EMG1: variants seen among roughly 807,000 people sequenced by gnomAD.
The protein encoded by EMG1 is EMG1 N1-specific pseudouridine methyltransferase.
In EMG1, 24 loss-of-function variants were observed where a neutral mutation model predicts 26.9. That is an observed-to-expected ratio of 0.89 (90% CI 0.65 to 1.26). EMG1 has a LOEUF of 1.26. EMG1 is among the 50% of genes most tolerant of loss of function. EMG1 has a pLI of 0.00. For synonymous variants in EMG1, 140 were observed against 112.6 expected (o/e 1.24, Z -1.54); for missense variants, 299 against 307.6 (o/e 0.97, Z 0.21).
chr12:6,972,865 G>A (rs1461960837), intron 1 of EMG1, among the ~76,000 whole-genome samples: 6 of 151,906 alleles, frequency 3.9e-5, no homozygotes, highest in Non-Finnish European at 5.9e-5. Flanking sequence ...TTGAGATAGG[G>A]TCTTGCTCTG....
At chr12:6,983,414 C>T, downstream of EMG1, 1 of 1,526,296 alleles carries the variant, frequency 6.6e-7, no homozygotes, top group Non-Finnish European at 9.1e-7. Flanking sequence ...GGTGTCACTG[C>T]TAATTTAGTT....
chr12:6,971,521 C>T (rs1565592907), intron 1 of EMG1, among the ~76,000 whole-genome samples: 1 of 152,184 alleles, frequency 6.6e-6, no homozygotes, highest in South Asian at 2.1e-4. Flanking sequence ...AGTGATCCGC[C>T]CGCCTCGGCC....
rs1946411755 is a variant in EMG1 at position 6,977,046 on chromosome 12, C to T, written c.*1237C>T. 5.9e-6 allele frequency: 5 copies of T among 842,094 alleles called. No individual in the cohort carries two copies. In the Admixed American group the frequency reaches 9.2e-5, roughly 16 times the overall value. The allele number at this position is 842,094 out of a possible 1,614,324, so 52.2% of individuals were successfully genotyped here. ...AGCCAGGCTAATCCTTGGAATTCACCCCAGATTTCTAATACTATTGTTTTT... is the reference window on the plus strand; with the variant it reads ...AGCCAGGCTAATCCTTGGAATTCACTCCAGATTTCTAATACTATTGTTTTT... On this transcript the variant is annotated 3_prime_UTR_variant, in exon 6 of 6. Transcript: ENST00000599672. The surrounding 1 kb of genome is among the most constrained non-coding windows in gnomAD (Gnocchi z 4.5).
downstream of EMG1, among the ~76,000 whole-genome samples, chr12:6,988,814 G>T (rs1555155092): frequency 6.6e-6 from 1 of 152,154 alleles, no homozygotes; most frequent in African/African-American, 2.4e-5. Flanking sequence ...AGATGGGTTT[G>T]TAACAACCCA....
At position 6,979,175 on chromosome 12, in the gene EMG1, C is replaced by T. The variant is rs1298348026; in HGVS notation, c.*3366C>T. The T allele has an allele frequency of 9.5e-6, 4 of 421,848 alleles. No homozygotes were observed. The highest frequency in any genetic ancestry group is 1.3e-5 in the Non-Finnish European group (3 of 234,302). The allele number at this position is 421,848 out of a possible 1,614,324, so 26.1% of individuals were successfully genotyped here. ...AGAAAATAGGATGGAGAATCAGAAG[C>T]TGCTGTGCTCTGAGGGGTCACGTGG... On this transcript the variant is annotated 3_prime_UTR_variant, in exon 6 of 6. Coordinates refer to ENST00000599672, the MANE Select transcript of EMG1 (RefSeq NM_006331.8).
downstream of EMG1, among the ~76,000 whole-genome samples, chr12:6,984,810 C>T (rs1240460585): frequency 6.6e-6 from 1 of 152,098 alleles, no homozygotes; most frequent in African/African-American, 2.4e-5. Flanking sequence ...GCCTTGACCT[C>T]CTGGGCTCAA....
downstream of EMG1, chr12:6,983,638 A>G (rs190778733): frequency 1.5e-4 from 109 of 723,618 alleles, 2 homozygotes; most frequent in East Asian, 2.9e-3. Flanking sequence ...CCAGAGGGAG[A>G]GAGAAAAAAA....
intron 7 of EMG1, among the ~76,000 whole-genome samples, chr12:6,996,793 G>A (rs1946638949): frequency 6.6e-6 from 1 of 152,222 alleles, no homozygotes; most frequent in South Asian, 2.1e-4. Flanking sequence ...AGGTTAAAGA[G>A]AAATCAATCT....
Position 6,977,974 on chromosome 12 carries a change from T to A in EMG1, c.*2165T>A. 1 of 574,208 alleles carries A rather than the reference T, an allele frequency of 1.7e-6. No individual in the cohort carries two copies. The highest frequency in any genetic ancestry group is 3.1e-6 in the Non-Finnish European group (1 of 323,014). 35.6% of individuals were successfully genotyped at this position (574,208 alleles called of 1,614,324 possible). On this transcript the variant is annotated 3_prime_UTR_variant, in exon 6 of 6. Coordinates refer to ENST00000599672, the MANE Select transcript of EMG1 (RefSeq NM_006331.8). This position sits in a 1 kb window ranked among gnomAD's most constrained non-coding sequence, Gnocchi z 4.5. Reference sequence around the variant, plus strand: ...CACGAGCCACTTGGTTCAGCAGCAGTGACTGAGGCTGATGCTGAGATCAGT... The same window carrying A: ...CACGAGCCACTTGGTTCAGCAGCAGAGACTGAGGCTGATGCTGAGATCAGT...
intron 4 of EMG1, 23 bp downstream of exon 4, chr12:6,975,171 T>G (rs1946379143): frequency 6.2e-7 from 1 of 1,613,914 alleles, no homozygotes; most frequent in African/African-American, 1.3e-5. Context: ...AACCTGTTAG[T>G]TGAAGGCTGG....
chr12:6,972,142 C>T (rs1555152373), intron 1 of EMG1, among the ~76,000 whole-genome samples: 2 of 149,936 alleles, frequency 1.3e-5, no homozygotes, highest in Non-Finnish European at 2.9e-5. Context: ...TCTTGGCTCA[C>T]TGCAGCCTCC....
chr12:6,975,276 A>G lies in EMG1; in HGVS notation c.519A>G (p.Lys173=). The G allele has an allele frequency of 6.2e-7, 1 of 1,613,438 alleles. No individual in the cohort carries two copies. Among genetic ancestry groups the G allele is most frequent in the Non-Finnish European group, 8.5e-7 (1 of 1,179,574 alleles). The change falls in exon 5 of 6, where the codon AAA becomes AAG. Residue 173 remains lysine, a synonymous_variant. Coordinates refer to ENST00000599672, the MANE Select transcript of EMG1 (RefSeq NM_006331.8). ...VSDHFPVGCM[K]VGTSFSIPVV... is the part of the protein sequence containing the mutation. The stretch of plus-strand genomic sequence containing the variant: ...ATCACTTTCCAGTTGGATGTATGAA[A>G]GTTGGCACTTCTTTTTCCATCCCGG...
In EMG1 at chr12:6,977,229, A is replaced by G. The variant is rs781810040; in HGVS notation, c.*1420A>G. 1.2e-6 allele frequency: 2 copies of G among 1,614,042 alleles called. No homozygotes were observed. Among genetic ancestry groups the G allele is most frequent in the Non-Finnish European group, 8.5e-7 (1 of 1,179,866 alleles). Reference sequence around the variant, plus strand: ...AATATGAATAGTAGGCTCAGGAAGAAGATGTGGCCAAGGAAATAGATGGAT... The same window carrying G: ...AATATGAATAGTAGGCTCAGGAAGAGGATGTGGCCAAGGAAATAGATGGAT... On this transcript the variant is annotated 3_prime_UTR_variant, in exon 6 of 6. Coordinates refer to ENST00000599672, the MANE Select transcript of EMG1 (RefSeq NM_006331.8). This position sits in a 1 kb window ranked among gnomAD's most constrained non-coding sequence, Gnocchi z 4.5.
Position 6,978,271 on chromosome 12 carries a change from C to T in EMG1, c.*2462C>T. The T allele has an allele frequency of 6.5e-7, 1 of 1,534,386 alleles. No homozygotes were observed. Among genetic ancestry groups the T allele is most frequent in the Non-Finnish European group, 8.8e-7 (1 of 1,134,220 alleles). On this transcript the variant is annotated 3_prime_UTR_variant, in exon 6 of 6. Coordinates refer to ENST00000599672, the MANE Select transcript of EMG1 (RefSeq NM_006331.8). ...GACGCATAGGGGTGACATGGTACAC[C>T]CCTGCCCTCCAATCTGGGAAGACAG...
chr12:6,976,060 CAG>C lies in EMG1; in HGVS notation c.*254_*255del, dbSNP rs1946396349. 2.6e-6 allele frequency: 1 copy of C among 383,152 alleles called. No individual in the cohort carries two copies. The highest frequency in any genetic ancestry group is 4.7e-6 in the Non-Finnish European group (1 of 210,908). 23.7% of individuals were successfully genotyped at this position (383,152 alleles called of 1,614,324 possible). A position where few individuals can be genotyped will look rare whatever the true frequency, so the allele number is the denominator to read the frequency against. On this transcript the variant is annotated 3_prime_UTR_variant, in exon 6 of 6. Transcript: ENST00000599672. ...GACTTCAGGGACAGATAGGAGGTTA[CAG>C]AGTTTGCAGTTTGGTTCCATGCTTT...
intron 1 of EMG1, among the ~76,000 whole-genome samples, chr12:6,971,374 A>G (rs2076795702): frequency 6.6e-6 from 1 of 151,672 alleles, no homozygotes. Flanking sequence ...CCCGCCTTCA[A>G]ACAGTTCTCC....
At position 6,975,260 on chromosome 12, in the gene EMG1, C is replaced by A. The variant is rs1555152950; in HGVS notation, c.503C>A (p.Pro168Gln). 1 of 1,613,660 alleles carries A rather than the reference C, an allele frequency of 6.2e-7. No homozygotes were observed. Among genetic ancestry groups the A allele is most frequent in the South Asian group, 1.1e-5 (1 of 91,042 alleles). Residue 168 changes from proline to glutamine, a missense_variant, in exon 5 of 6, where the codon CCA becomes CAA. Transcript: ENST00000599672. ...AAGAATCCAGTATCAGATCACTTTC[C>A]AGTTGGATGTATGAAAGTTGGCACT... ...VIKNPVSDHF[P>Q]VGCMKVGTSF...
At chr12:6,989,943 C>T (rs12227006), downstream of EMG1, among the ~76,000 whole-genome samples, 125 of 151,782 alleles carry the variant, frequency 8.2e-4, 2 homozygotes, top group East Asian at 0.024. Flanking sequence ...GAGGCTGAGA[C>T]GGGAGAATCA....
At chr12:6,996,928 G>C (rs1946641195) in intron 7 of EMG1, among the ~76,000 whole-genome samples, 1 of 152,138 alleles carries the variant, frequency 6.6e-6, no homozygotes, top group Non-Finnish European at 1.5e-5. Context: ...AAGAGACTGG[G>C]CTAATTTCAA....
Sources: allele counts gnomAD v4.1 joint callset (sites outside exome capture counted in the v4.1 genomes callset), GRCh38; gene constraint gnomAD v4.1.1; non-coding constraint Gnocchi (gnomAD v3.1); transcripts MANE v1.5; gene names NCBI Gene and HGNC (gene_info 2026-07-23, HGNC 2026-07-21).